Variants in KIF5C observed in about 807,000 individuals in gnomAD.
KIF5C encodes the protein kinesin family member 5C, also known as kinesin heavy chain isoform 5C.
A neutral mutation model predicts 125.2 loss-of-function variants in KIF5C; 18 were observed. The observed-to-expected ratio is 0.14, with a 90% CI of 0.10 to 0.21. The LOEUF (loss-of-function observed/expected upper bound fraction) is 0.21. Among genes scored for constraint, KIF5C ranks in the 10% least tolerant of loss-of-function variants. KIF5C has a pLI of 1.00. For missense variants in KIF5C, 780 were observed against 1,183.8 expected (o/e 0.66, Z 5.01); for synonymous variants, 405 against 434.0 (o/e 0.93, Z 0.83).
intron 3 of KIF5C, among the ~76,000 whole-genome samples, chr2:148,934,574 C>CT (rs1682251859): frequency 6.8e-6 from 1 of 147,930 alleles, no homozygotes; most frequent in Non-Finnish European, 1.5e-5. Context: ...CACACACACA[C>CT]TCTGCATACA....
chr2:148,965,140 G>C (rs1558921419), intron 11 of KIF5C, among the ~76,000 whole-genome samples: 1 of 152,162 alleles, frequency 6.6e-6, no homozygotes, highest in Non-Finnish European at 1.5e-5. Flanking sequence ...AGGAGAACCA[G>C]GGGTGAGGGA....
chr2:148,991,254 C>T (rs2105172980), intron 16 of KIF5C, 56 bp downstream of exon 16: 1 of 1,564,576 alleles, frequency 6.4e-7, no homozygotes, highest in East Asian at 2.3e-5. Context: ...TCTGCTCCCT[C>T]CATGCCCTTG....
At chr2:148,919,651 G>A (rs1681703582) in intron 1 of KIF5C, among the ~76,000 whole-genome samples, 1 of 152,062 alleles carries the variant, frequency 6.6e-6, no homozygotes, top group Non-Finnish European at 1.5e-5. Context: ...TTTTAAAATG[G>A]CAATTATCAA....
chr2:148,996,358 C>T (rs901647270), intron 17 of KIF5C, among the ~76,000 whole-genome samples: 4 of 152,246 alleles, frequency 2.6e-5, no homozygotes, highest in Non-Finnish European at 5.9e-5. Context: ...TCTGCTCTAA[C>T]CTTGTAACAT....
chr2:148,895,851 C>A (rs1316767570), intron 1 of KIF5C, among the ~76,000 whole-genome samples: 1 of 23,488 alleles, frequency 4.3e-5, no homozygotes, highest in Non-Finnish European at 2.0e-4. Flanking sequence ...GTGTGACACA[C>A]ACACACACAC....
chr2:148,892,642 G>T (rs1175733009), intron 1 of KIF5C, among the ~76,000 whole-genome samples: 3 of 152,056 alleles, frequency 2.0e-5, no homozygotes, highest in Non-Finnish European at 4.4e-5. Flanking sequence ...CTCAGGGTGT[G>T]GTGCATTTAC....
intron 2 of KIF5C, among the ~76,000 whole-genome samples, chr2:148,928,623 G>T (rs1362795021): frequency 1.3e-5 from 2 of 152,162 alleles, no homozygotes; most frequent in Admixed American, 6.5e-5. Flanking sequence ...GTAATTAAAA[G>T]AAATTTCCTG....
At chr2:148,926,970 G>A (rs1260643083) in intron 2 of KIF5C, among the ~76,000 whole-genome samples, 1 of 152,138 alleles carries the variant, frequency 6.6e-6, no homozygotes, top group Non-Finnish European at 1.5e-5. Flanking sequence ...GGGGTTTTAT[G>A]TGTTCTCCTT....
chr2:148,930,618 C>T (rs1290875378), intron 3 of KIF5C, among the ~76,000 whole-genome samples: 4 of 152,248 alleles, frequency 2.6e-5, no homozygotes, highest in Non-Finnish European at 5.9e-5. Flanking sequence ...TTCAAAGGCA[C>T]GAGGCTAAAA....
Position 148,875,575 on chromosome 2 carries a change from G to GCCCCCCCCCCCTCCCC in KIF5C, c.-37_-36insCCCCCTCCCCCCCCCC. The GCCCCCCCCCCCTCCCC allele has an allele frequency of 5.7e-6, 4 of 699,600 alleles. No homozygotes were observed. In the Admixed American group the frequency reaches 6.5e-5, roughly 11 times the overall value. The allele number at this position is 699,600 out of a possible 1,614,324, so 43.3% of individuals were successfully genotyped here. On this transcript the variant is annotated 5_prime_UTR_variant, in exon 1 of 26. Transcript: ENST00000435030. Reference sequence around the variant, plus strand: ...TCCTCCCTCGTCGTTCCCGGCCCCGGCCCCCCACCCATCCCCGTGCCCCCT... The same window carrying GCCCCCCCCCCCTCCCC: ...TCCTCCCTCGTCGTTCCCGGCCCCGGCCCCCCCCCCCTCCCCCCCCCCACCCATCCCCGTGCCCCCT...
At chr2:148,988,164 T>C (rs999699765) in intron 15 of KIF5C, among the ~76,000 whole-genome samples, 8 of 152,160 alleles carry the variant, frequency 5.3e-5, no homozygotes, top group Non-Finnish European at 1.2e-4. Context: ...ATTTTTTTTT[T>C]TTTTAAATAA....
intron 1 of KIF5C, among the ~76,000 whole-genome samples, chr2:148,894,101 C>A (rs78523357): frequency 6.6e-6 from 1 of 152,182 alleles, no homozygotes; most frequent in African/African-American, 2.4e-5. Flanking sequence ...CATGAAACAC[C>A]TTTAAGGGTG....
intron 3 of KIF5C, among the ~76,000 whole-genome samples, chr2:148,930,404 C>A (rs1574761795): frequency 6.6e-6 from 1 of 151,862 alleles, no homozygotes; most frequent in Non-Finnish European, 1.5e-5. Context: ...GTGAGGCCCA[C>A]TTGATAGGTA....
chr2:148,927,488 GT>G (rs1682048996), intron 2 of KIF5C, among the ~76,000 whole-genome samples: 2 of 82,060 alleles, frequency 2.4e-5, no homozygotes, highest in South Asian at 3.0e-4. Flanking sequence ...CTTTCAGGGT[GT>G]GTGTGTGTGT....
chr2:149,005,682 G>C lies in KIF5C; in HGVS notation c.2445+218G>C, dbSNP rs74898041. On this transcript the variant is annotated intron_variant, in intron 22 of 25. Transcript: ENST00000435030. ...TTTCCTTCTTGGTAAAAGGAAGTCA[G>C]AATACTTTCTCTGGCCTTCATTTCA... is the stretch of plus-strand genomic sequence containing the variant. Among the ~76,000 whole-genome samples the C allele has an allele frequency of 8.4e-3, 1,279 of 152,314 alleles. 4 individuals carry two copies. The highest frequency in any genetic ancestry group is 0.013 in the Non-Finnish European group (890 of 68,030).
chr2:148,985,107 G>C (rs1681342932), intron 15 of KIF5C, among the ~76,000 whole-genome samples: 1 of 152,064 alleles, frequency 6.6e-6, no homozygotes, highest in Non-Finnish European at 1.5e-5. Flanking sequence ...CTGGCCATTG[G>C]TGCTGTTGAC....
intron 1 of KIF5C, among the ~76,000 whole-genome samples, chr2:148,880,408 A>G (rs1681312731): frequency 6.6e-6 from 1 of 152,272 alleles, no homozygotes; most frequent in Non-Finnish European, 1.5e-5. Flanking sequence ...GGCATGAGCC[A>G]CCATGCTCGG....
chr2:148,962,277 T>A (rs1235386071), intron 11 of KIF5C, among the ~76,000 whole-genome samples, 158 bp downstream of exon 11: 1 of 151,998 alleles, frequency 6.6e-6, no homozygotes, highest in Non-Finnish European at 1.5e-5. Context: ...GCCATTCTCC[T>A]GGCTCAGCCT....
At chr2:149,020,584 C>A (rs943433914) in intron 25 of KIF5C, among the ~76,000 whole-genome samples, 2 of 152,168 alleles carry the variant, frequency 1.3e-5, no homozygotes, top group African/African-American at 4.8e-5. Flanking sequence ...GCTGTGTCAA[C>A]ACGGTTTGGC....
Sources: gnomAD v4.1 joint callset for allele counts (sites outside exome capture counted in the v4.1 genomes callset) on GRCh38, gnomAD v4.1.1 for gene constraint, MANE v1.5 for transcripts, NCBI Gene and HGNC (gene_info 2026-07-23, HGNC 2026-07-21) for gene names.